The following NLRP5 variants were observed in gnomAD, a reference collection of about 807,000 sequenced individuals.
NLRP5 encodes the protein NACHT, LRR and PYD domains-containing protein 5.
NLRP5 carries 93 observed loss-of-function variants against 113.1 expected under a neutral mutation model. That is an observed-to-expected ratio of 0.82 (90% CI 0.70 to 0.98). The LOEUF is 0.98. NLRP5 is among the 50% of genes least tolerant of loss of function. NLRP5 has a pLI of 0.00. For missense variants in NLRP5, 1,808 were observed against 1,514.3 expected, an observed-to-expected ratio of 1.19 and a Z score of -3.22; for synonymous variants, 751 against 600.7, an observed-to-expected ratio of 1.25 and a Z score of -3.66.
At chr19:56,017,259 C>G (rs1446337606) in intron 4 of NLRP5, among the ~76,000 whole-genome samples, 2 of 152,022 alleles carry the variant, frequency 1.3e-5, no homozygotes, top group Admixed American at 6.6e-5. Flanking sequence ...GGTTTGTTTT[C>G]TCTATGGTAT....
In NLRP5 at chr19:56,050,533, G is replaced by GT; in HGVS notation, c.3074dup (p.Lys1026GlufsTer30). 3 of 1,613,972 alleles carry GT rather than the reference G, an allele frequency of 1.9e-6. No individual in the cohort carries two copies. Among genetic ancestry groups the GT allele is most frequent in the Non-Finnish European group, 2.5e-6 (3 of 1,179,880 alleles). On this transcript the variant is annotated frameshift_variant, in exon 12 of 15. Transcript: ENST00000390649. LOFTEE classifies it high-confidence loss of function. ...CATGAACCCTGTGGAAGACAATGGCGTGAAGCTTCTGTGCGAGGTCATGAG... is the reference window on the plus strand; with the variant it reads ...CATGAACCCTGTGGAAGACAATGGCGTTGAAGCTTCTGTGCGAGGTCATGAG...
At chr19:55,998,571 T>C (rs1055969533), upstream of NLRP5, among the ~76,000 whole-genome samples, 3 of 151,012 alleles carry the variant, frequency 2.0e-5, no homozygotes, top group African/African-American at 7.3e-5. Flanking sequence ...GAGAATTGCT[T>C]GAACCCGGGA....
Position 56,027,385 on chromosome 19 carries a change from G to A in NLRP5, c.1152G>A (p.Lys384=), listed in dbSNP as rs779657554. 7 of 1,613,492 alleles carry A rather than the reference G, an allele frequency of 4.3e-6. No individual in the cohort carries two copies. Among genetic ancestry groups the A allele is most frequent in the Non-Finnish European group, 5.9e-6 (7 of 1,179,744 alleles). The change falls in exon 7 of 15, where the codon AAG becomes AAA. Residue 384 remains lysine (K), a synonymous_variant. Transcript: ENST00000390649. ...AGCTCTGCAAAGACTGGGCTGAGAA[G>A]CAGCCTCCGTTCACCCTCATACGCA...
rs1429381552 is a variant in NLRP5 at position 56,023,678 on chromosome 19, CTT to C, written c.680-3234_680-3233del. On this transcript the variant is annotated intron_variant, in intron 6 of 14. Transcript: ENST00000390649. ...GATATTATAAGCAGCCTAGAGATGA[CTT>C]AAACTACATGGGAGGATGTGCGTAG... is the stretch of plus-strand genomic sequence containing the variant. Among the ~76,000 whole-genome samples the C allele has an allele frequency of 3.9e-5, 6 of 152,128 alleles. No homozygotes were observed. The East Asian group carries it at 1.2e-3, about 29-fold the overall frequency.
At chr19:55,987,702 G>A in the NLRP5 span, 1 of 731,568 alleles carries the variant, frequency 1.4e-6, no homozygotes, top group Non-Finnish European at 2.4e-6. Context: ...GAAAGGTGAG[G>A]TGGGAGGGGT....
Position 56,021,211 on chromosome 19 carries a change from A to G in NLRP5, c.679+780A>G, listed in dbSNP as rs117087461. ...TCATCCAGACTTACACATTAGCTAA[A>G]CCTTATGGAATGAAGATGAGTCTAA... On this transcript the variant is annotated intron_variant, in intron 6 of 14. Transcript: ENST00000390649. Among the ~76,000 whole-genome samples the G allele has an allele frequency of 1.4e-3, 220 of 152,202 alleles. 4 individuals carry two copies. The East Asian group carries it at 0.037, about 26-fold the overall frequency.
chr19:56,054,422 G>A (rs1984050067), intron 13 of NLRP5, among the ~76,000 whole-genome samples: 1 of 152,132 alleles, frequency 6.6e-6, no homozygotes, highest in East Asian at 1.9e-4. Flanking sequence ...GCCAGGTGTG[G>A]TGGCGCATGC....
At chr19:56,016,258 A>G (rs1982398976) in intron 4 of NLRP5, among the ~76,000 whole-genome samples, 3 of 152,030 alleles carry the variant, frequency 2.0e-5, no homozygotes, top group Non-Finnish European at 2.9e-5. Context: ...GGTTCAAGCG[A>G]TTATTCTGCC....
At chr19:56,055,150 G>A (rs564500921) in intron 13 of NLRP5, among the ~76,000 whole-genome samples, 131 of 151,838 alleles carry the variant, frequency 8.6e-4, no homozygotes, top group Middle Eastern at 3.4e-3. Context: ...CACCATGCCC[G>A]GCTACTTTTT....
chr19:56,031,097 GGAAGGTATAAACTCAGACA>G (rs1214004152), intron 7 of NLRP5, among the ~76,000 whole-genome samples: 1 of 126,578 alleles, frequency 7.9e-6, no homozygotes, highest in Non-Finnish European at 1.9e-5. Context: ...CAGACACGTG[GGAAGGTATAAACTCAGACA>G]GGAGATGATT....
In NLRP5 at chr19:56,027,793, C is replaced by G. The variant is rs1158502073; in HGVS notation, c.1560C>G (p.Leu520=). ...CTCGAGGCGTGGTCCGGCGCTGTCT[C>G]AATCTGGAGGAAAGAGTTGTCCTGA... Residue 520 remains leucine (L), a synonymous_variant, in exon 7 of 15, where the codon CTC becomes CTG. Coordinates refer to ENST00000390649, the MANE Select transcript of NLRP5 (RefSeq NM_153447.4). 6.2e-7 allele frequency: 1 copy of G among 1,613,992 alleles called. No individual in the cohort carries two copies. The highest frequency in any genetic ancestry group is 8.5e-7 in the Non-Finnish European group (1 of 1,179,888).
chr19:56,059,118 A>T (rs1028910190), intron 14 of NLRP5, among the ~76,000 whole-genome samples: 11 of 152,154 alleles, frequency 7.2e-5, no homozygotes, highest in Admixed American at 2.6e-4. Flanking sequence ...CTGGCGATAG[A>T]TGGTTGTGGT....
chr19:56,004,991 G>A (rs1396389236), intron 2 of NLRP5, among the ~76,000 whole-genome samples: 1 of 151,326 alleles, frequency 6.6e-6, no homozygotes, highest in Admixed American at 6.6e-5. Flanking sequence ...CTACTCAGGA[G>A]ACTGAGGCAG....
At chr19:56,038,590 C>T (rs1212524238) in intron 10 of NLRP5, among the ~76,000 whole-genome samples, 1 of 152,148 alleles carries the variant, frequency 6.6e-6, no homozygotes, top group Non-Finnish European at 1.5e-5. Context: ...TCAGGCTCCC[C>T]TCTGCCTGGT....
intron 3 of NLRP5, among the ~76,000 whole-genome samples, chr19:56,011,166 T>TATATATATATAC (rs112102134): frequency 1.2e-3 from 186 of 150,836 alleles, no homozygotes; most frequent in Admixed American, 3.3e-3. Context: ...AAAATATATA[T>TATATATATATAC]ACACACATAC....
At chr19:56,017,530 G>A (rs1280754105) in intron 4 of NLRP5, among the ~76,000 whole-genome samples, 2 of 152,024 alleles carry the variant, frequency 1.3e-5, no homozygotes, top group African/African-American at 2.4e-5. Flanking sequence ...TTGACCTGTT[G>A]AGGATCGTGT....
upstream of NLRP5, among the ~76,000 whole-genome samples, chr19:55,998,664 G>GTGTGTGTATATATATATATA (rs1981426916): frequency 1.9e-4 from 12 of 63,182 alleles, 1 homozygote. Context: ...AAATATGTGT[G>GTGTGTGTATATATATATATA]TGTGTGTGTA....
chr19:56,057,750 G>A (rs1055928948), intron 13 of NLRP5, among the ~76,000 whole-genome samples: 1 of 152,148 alleles, frequency 6.6e-6, no homozygotes, highest in Non-Finnish European at 1.5e-5. Flanking sequence ...ATTTGGCCGG[G>A]TGCAGTGGCT....
intron 14 of NLRP5, 135 bp downstream of exon 14, chr19:56,058,545 C>T (rs530056840): frequency 1.7e-5 from 12 of 722,486 alleles, no homozygotes; most frequent in African/African-American, 3.5e-5. Flanking sequence ...GGTGAGTGCC[C>T]ACTACGTTCT....
Sources: gnomAD v4.1 joint callset for allele counts (sites outside exome capture counted in the v4.1 genomes callset) on GRCh38, gnomAD v4.1.1 for gene constraint, MANE v1.5 for transcripts, NCBI Gene and HGNC (gene_info 2026-07-23, HGNC 2026-07-21) for gene names.